The following MMACHC variants were observed in gnomAD, a reference collection of about 807,000 sequenced individuals.
The protein encoded by MMACHC is metabolism of cobalamin associated C.
In MMACHC, 14 loss-of-function variants were observed where a neutral mutation model predicts 17.6. The observed-to-expected ratio is 0.80, with a 90% CI of 0.53 to 1.25. The LOEUF (loss-of-function observed/expected upper bound fraction) is 1.25. MMACHC is among the 50% of genes most tolerant of loss of function. MMACHC has a pLI of 0.00. For synonymous variants in MMACHC, 151 were observed against 142.1 expected (o/e 1.06, Z -0.45); for missense variants, 392 against 364.5 (o/e 1.08, Z -0.62).
At position 45,508,906 on chromosome 1, in the gene MMACHC, T is replaced by C. The variant is rs750402555; in HGVS notation, c.540T>C (p.His180=). ...EVPDLPPRKP[H]DCVPTRADRI... is the part of the protein sequence containing the mutation. The stretch of plus-strand genomic sequence containing the variant: ...CAGATCTGCCACCCAGAAAACCTCA[T>C]GACTGTGTACCTACAAGAGCTGACC... The change falls in exon 4 of 4, where the codon CAT becomes CAC. Residue 180 remains histidine (H), a synonymous_variant. Transcript: ENST00000401061. 3 of 1,614,166 alleles carry C rather than the reference T, an allele frequency of 1.9e-6. No individual in the cohort carries two copies. The South Asian group carries it at 3.3e-5, about 18-fold the overall frequency.
At position 45,512,766 on chromosome 1, in the gene MMACHC, C is replaced by G. The variant is rs1032132337; in HGVS notation, c.*3551C>G. ...TCCTTCTTAATGCTGAACCTCATCT[C>G]CCACAAGGGGGCAGTCTCAGCAGGT... On this transcript the variant is annotated 3_prime_UTR_variant, in exon 4 of 4. Coordinates refer to ENST00000401061, the MANE Select transcript of MMACHC (RefSeq NM_015506.3). 8.5e-5 allele frequency: 13 copies of G among 152,198 alleles called. No individual in the cohort carries two copies. Among genetic ancestry groups the G allele is most frequent in the Non-Finnish European group, 1.5e-4 (10 of 68,024 alleles). The allele number at this position is 152,198 out of a possible 1,614,324, so 9.4% of individuals were successfully genotyped here.
chr1:45,507,436 C>T lies in MMACHC; in HGVS notation c.162C>T (p.Ser54=), dbSNP rs750127773. 6.2e-7 allele frequency: 1 copy of T among 1,614,192 alleles called. No individual in the cohort carries two copies. The highest frequency in any genetic ancestry group is 1.1e-5 in the South Asian group (1 of 91,076). Residue 54 remains serine, a synonymous_variant, in exon 2 of 4, where the codon AGC becomes AGT. Transcript: ENST00000401061. ...CTACCCTGGCCTTCCTGGTACTCAG[C>T]ACGCCTGCCATGTTTGACCGGGCCC... The part of the protein sequence containing the change: ...PGPTLAFLVL[S]TPAMFDRALK...
chr1:45,507,180 T>C (rs1643633582), intron 1 of MMACHC, among the ~76,000 whole-genome samples, 176 bp from the exon 2 acceptor site: 1 of 151,898 alleles, frequency 6.6e-6, no homozygotes, highest in African/African-American at 2.4e-5. Context: ...AATAATGAAT[T>C]CCCTGTCAAA....
At chr1:45,506,365 G>A (rs1246609810) in intron 1 of MMACHC, among the ~76,000 whole-genome samples, 1 of 152,170 alleles carries the variant, frequency 6.6e-6, no homozygotes, top group Non-Finnish European at 1.5e-5. Context: ...TGTTGGACTT[G>A]GAGGGCAAGT....
intron 1 of MMACHC, among the ~76,000 whole-genome samples, chr1:45,503,334 G>A (rs894862249): frequency 6.6e-6 from 1 of 151,848 alleles, no homozygotes; most frequent in African/African-American, 2.4e-5. Context: ...GGAGGTGGAG[G>A]TTGTGGTGAG....
chr1:45,507,324 C>G (rs1387123634), intron 1 of MMACHC, 32 bp from the exon 2 acceptor site: 2 of 1,610,980 alleles, frequency 1.2e-6, no homozygotes, highest in African/African-American at 1.3e-5. Context: ...TAGACTGGCC[C>G]TCTCCAGCCT....
At position 45,508,842 on chromosome 1, in the gene MMACHC, C is replaced by T; in HGVS notation, c.476C>T (p.Ala159Val). ...CIHPRFGGWFAIRGVVLLPGI... is the reference protein window; with the variant it reads ...CIHPRFGGWFVIRGVVLLPGI... ...CACCCCCGATTTGGGGGCTGGTTTG[C>T]CATCCGAGGGGTAGTGCTGCTGCCA... Residue 159 changes from alanine to valine, a missense_variant, in exon 4 of 4, where the codon GCC (alanine) becomes GTC (valine). Coordinates refer to ENST00000401061, the MANE Select transcript of MMACHC (RefSeq NM_015506.3). 1 of 1,614,162 alleles carries T rather than the reference C, an allele frequency of 6.2e-7. No homozygotes were observed. The highest frequency in any genetic ancestry group is 8.5e-7 in the Non-Finnish European group (1 of 1,180,014).
At position 45,507,544 on chromosome 1, in the gene MMACHC, T is replaced by TA. The variant is rs398124292; in HGVS notation, c.271dup (p.Arg91LysfsTer14). 1,667 of 1,614,166 alleles carry TA rather than the reference T, an allele frequency of 1.0e-3. No individual in the cohort carries two copies. Among genetic ancestry groups the TA allele is most frequent in the Admixed American group, 1.7e-3 (100 of 60,022 alleles). ...GTGTGGCCTACCATCTGGGCCGTGT[T>TA]AGAGAGGTGAGGAAGGCTCAGTTTT... is the stretch of plus-strand genomic sequence containing the variant. On this transcript the variant is annotated frameshift_variant, in exon 2 of 4. Transcript: ENST00000401061. LOFTEE classifies it high-confidence loss of function.
Position 45,511,355 on chromosome 1 carries a change from TG to T in MMACHC, c.*2141del. ...CACTTCTGCTTGGAGAAATATTCTT[TG>T]CTCTTTTGGACATCAGGCTTGATGG... On this transcript the variant is annotated 3_prime_UTR_variant, in exon 4 of 4. Coordinates refer to ENST00000401061, the MANE Select transcript of MMACHC (RefSeq NM_015506.3). The T allele has an allele frequency of 6.2e-7, 1 of 1,613,114 alleles. No homozygotes were observed. Among genetic ancestry groups the T allele is most frequent in the Non-Finnish European group, 8.5e-7 (1 of 1,179,624 alleles).
rs1469411811 is a variant in MMACHC at position 45,510,485 on chromosome 1, A to G, written c.*1270A>G. The G allele has an allele frequency of 2.0e-5, 3 of 152,280 alleles. No homozygotes were observed. The highest frequency in any genetic ancestry group is 4.4e-5 in the Non-Finnish European group (3 of 68,124). 9.4% of individuals were successfully genotyped at this position (152,280 alleles called of 1,614,324 possible). On this transcript the variant is annotated 3_prime_UTR_variant, in exon 4 of 4. Coordinates refer to ENST00000401061, the MANE Select transcript of MMACHC (RefSeq NM_015506.3). Reference sequence around the variant, plus strand: ...CTGAGGCGGAGGACCGCCTGAGGCAAGGAATTCAGAACCACTCTGGGCAAC... The same window carrying G: ...CTGAGGCGGAGGACCGCCTGAGGCAGGGAATTCAGAACCACTCTGGGCAAC...
In MMACHC at chr1:45,511,692, C is replaced by A; in HGVS notation, c.*2477C>A. 3.4e-6 allele frequency: 1 copy of A among 292,766 alleles called. No homozygotes were observed. 18.1% of individuals were successfully genotyped at this position (292,766 alleles called of 1,614,324 possible). A position where few individuals can be genotyped will look rare whatever the true frequency, so the allele number is the denominator to read the frequency against. On this transcript the variant is annotated 3_prime_UTR_variant, in exon 4 of 4. Coordinates refer to ENST00000401061, the MANE Select transcript of MMACHC (RefSeq NM_015506.3). Reference sequence around the variant, plus strand: ...AGGCAAAGTTTAAATAATTTGCCAACACTCTCTAATCCTTAAGGGGAAAAA... The same window carrying A: ...AGGCAAAGTTTAAATAATTTGCCAAAACTCTCTAATCCTTAAGGGGAAAAA...
At position 45,511,382 on chromosome 1, in the gene MMACHC, T is replaced by C. The variant is rs758757800; in HGVS notation, c.*2167T>C. Reference sequence around the variant, plus strand: ...CTCTTTTGGACATCAGGCTTGATGGTATCACTGCCAGGTTTCCAGCCAGCT... The same window carrying C: ...CTCTTTTGGACATCAGGCTTGATGGCATCACTGCCAGGTTTCCAGCCAGCT... On this transcript the variant is annotated 3_prime_UTR_variant, in exon 4 of 4. Transcript: ENST00000401061. The C allele has an allele frequency of 6.2e-7, 1 of 1,613,248 alleles. No individual in the cohort carries two copies. Among genetic ancestry groups the C allele is most frequent in the Admixed American group, 1.7e-5 (1 of 59,888 alleles).
rs373680450 is a variant in MMACHC at position 45,508,172 on chromosome 1, C to T, written c.277-40C>T. 4.3e-6 allele frequency: 7 copies of T among 1,611,646 alleles called. No individual in the cohort carries two copies. In the African/African-American group the frequency reaches 9.4e-5, roughly 22 times the overall value. On this transcript the variant is annotated intron_variant, in intron 2 of 3. Coordinates refer to ENST00000401061, the MANE Select transcript of MMACHC (RefSeq NM_015506.3). ...TCCCTCGGACAAGGTCATAACTCCC[C>T]TCATGCTGACAGTACCCTCTATTTT... is the stretch of plus-strand genomic sequence containing the variant.
intron 1 of MMACHC, among the ~76,000 whole-genome samples, chr1:45,502,008 A>G (rs1357412713): frequency 6.6e-6 from 1 of 152,038 alleles, no homozygotes; most frequent in Non-Finnish European, 1.5e-5. Flanking sequence ...TCCCTCCTCC[A>G]CACTGCAGCC....
rs1379150272 is a variant in MMACHC at position 45,510,017 on chromosome 1, CAGTG to C, written c.*805_*808del. 3.4e-5 allele frequency: 5 copies of C among 148,680 alleles called. No individual in the cohort carries two copies. The highest frequency in any genetic ancestry group is 7.5e-5 in the African/African-American group (3 of 40,106). The allele number at this position is 148,680 out of a possible 1,614,324, so 9.2% of individuals were successfully genotyped here. A position where few individuals can be genotyped will look rare whatever the true frequency, so the allele number is the denominator to read the frequency against. Reference sequence around the variant, plus strand: ...ATTTGAACCAGGGAGGCAGAGATTGCAGTGAGCCGAGATTGCATGGCTGCACTCT... The same window carrying C: ...ATTTGAACCAGGGAGGCAGAGATTGCAGCCGAGATTGCATGGCTGCACTCT... On this transcript the variant is annotated 3_prime_UTR_variant, in exon 4 of 4. Transcript: ENST00000401061.
Position 45,511,455 on chromosome 1 carries a change from G to GGT in MMACHC, c.*2241_*2242dup. 6.5e-7 allele frequency: 1 copy of GGT among 1,529,784 alleles called. No individual in the cohort carries two copies. Among genetic ancestry groups the GGT allele is most frequent in the Non-Finnish European group, 9.0e-7 (1 of 1,109,494 alleles). 94.8% of individuals were successfully genotyped at this position (1,529,784 alleles called of 1,614,324 possible). On this transcript the variant is annotated 3_prime_UTR_variant, in exon 4 of 4. Coordinates refer to ENST00000401061, the MANE Select transcript of MMACHC (RefSeq NM_015506.3). ...ACCACTAATTAATAACCTTCTCAATGGTATGCACCACCATTCTCCTATGGA... is the reference window on the plus strand; with the variant it reads ...ACCACTAATTAATAACCTTCTCAATGGTGTATGCACCACCATTCTCCTATGGA...
intron 1 of MMACHC, among the ~76,000 whole-genome samples, chr1:45,506,111 G>A (rs539217553): frequency 5.3e-5 from 8 of 152,284 alleles, no homozygotes; most frequent in Middle Eastern, 3.4e-3. Flanking sequence ...ATATCAAAAG[G>A]ATAAAGAAGT....
chr1:45,507,398 C>G lies in MMACHC; in HGVS notation c.124C>G (p.Pro42Ala). ...ACTCTTGCCTCCAGCCTTCCACCTA[C>G]CGCTGCCAGGACCTACCCTGGCCTT... Reference protein sequence around the residue: ...NELLPPAFHLPLPGPTLAFLV... With the variant: ...NELLPPAFHLALPGPTLAFLV... The change falls in exon 2 of 4, where the codon CCG (proline) becomes GCG (alanine). Residue 42 changes from proline (P) to alanine (A), a missense_variant. Transcript: ENST00000401061. The G allele has an allele frequency of 6.2e-7, 1 of 1,614,178 alleles. No individual in the cohort carries two copies. The highest frequency in any genetic ancestry group is 8.5e-7 in the Non-Finnish European group (1 of 1,180,040).
rs753855245 is a variant in MMACHC at position 45,509,152 on chromosome 1, TCCCAGCAGAGCCCGGAGCTGGCTCAGC to T, written c.792_818del (p.Ser264_Pro272del). ...CACCCGCCCCCAAGAAGCCTGGGAA[TCCCAGCAGAGCCCGGAGCTGGCTCAGC>T]CCCAGGGTCTCACCACCTGCATCCC... On this transcript the variant is annotated inframe_deletion, in exon 4 of 4. Coordinates refer to ENST00000401061, the MANE Select transcript of MMACHC (RefSeq NM_015506.3). 2.5e-6 allele frequency: 4 copies of T among 1,613,308 alleles called. No homozygotes were observed. Among genetic ancestry groups the T allele is most frequent in the Non-Finnish European group, 3.4e-6 (4 of 1,179,808 alleles).
Sources: gnomAD v4.1 joint callset for allele counts (sites outside exome capture counted in the v4.1 genomes callset) on GRCh38, gnomAD v4.1.1 for gene constraint, MANE v1.5 for transcripts, NCBI Gene and HGNC (gene_info 2026-07-23, HGNC 2026-07-21) for gene names.